Variants in SMAD4 observed in about 807,000 individuals in gnomAD.
SMAD4 encodes the protein MAD homolog 4.
Under a neutral mutation model 63.2 loss-of-function variants are expected in SMAD4, and 7 were observed. The ratio of observed to expected loss-of-function variants is 0.11; its 90% CI spans 0.06 to 0.21. The LOEUF is 0.21. Ranked by LOEUF, SMAD4 falls within the 10% of genes least tolerant of loss-of-function variation. SMAD4 has a pLI of 1.00. For missense variants in SMAD4, 312 were observed against 693.8 expected (o/e 0.45, Z 6.18); for synonymous variants, 215 against 235.4 (o/e 0.91, Z 0.79).
At chr18:51,072,015 A>T (rs1263295063) in intron 10 of SMAD4, among the ~76,000 whole-genome samples, 1 of 152,148 alleles carries the variant, frequency 6.6e-6, no homozygotes, top group Non-Finnish European at 1.5e-5. Flanking sequence ...CCATTGATGG[A>T]CTTGATTTCC....
intron 1 of SMAD4, among the ~76,000 whole-genome samples, chr18:51,033,564 A>G (rs527269758): frequency 1.4e-4 from 22 of 152,350 alleles, no homozygotes; most frequent in Non-Finnish European, 2.4e-4. Context: ...TGAAGTCTCA[A>G]TTGTTTTAAA....
intron 10 of SMAD4, among the ~76,000 whole-genome samples, chr18:51,074,970 A>G (rs1942094): frequency 0.32 from 49,341 of 152,044 alleles, 8,653 homozygotes; most frequent in East Asian, 0.41. Flanking sequence ...TGGGCCTCCC[A>G]AAGTGCTGGG....
At chr18:51,046,710 AT>A (rs1909553423) in intron 1 of SMAD4, among the ~76,000 whole-genome samples, 1 of 152,074 alleles carries the variant, frequency 6.6e-6, no homozygotes, top group South Asian at 2.1e-4. Flanking sequence ...AAACAGTGAC[AT>A]TTTAATTAAG....
intron 5 of SMAD4, among the ~76,000 whole-genome samples, chr18:51,056,230 T>C (rs1375595912): frequency 6.6e-6 from 1 of 152,172 alleles, no homozygotes; most frequent in African/African-American, 2.4e-5. Flanking sequence ...CGTAGATTAG[T>C]GCTAGAGCAC....
intron 9 of SMAD4, among the ~76,000 whole-genome samples, 175 bp downstream of exon 9, chr18:51,065,781 T>G (rs998566171): frequency 3.3e-5 from 5 of 152,212 alleles, no homozygotes; most frequent in African/African-American, 9.6e-5. Flanking sequence ...TGTCGGTGTT[T>G]TTGTTGTTTA....
chr18:51,081,460 A>G lies in SMAD4; in HGVS notation c.*2993A>G. On this transcript the variant is annotated 3_prime_UTR_variant, in exon 12 of 12. Transcript: ENST00000342988. ...TGGTATACAAAGATAATGACAATAA[A>G]TCACTGCCATATAACCTTGCTTTTT... 4.3e-6 allele frequency: 1 copy of G among 231,054 alleles called. No individual in the cohort carries two copies. Among genetic ancestry groups the G allele is most frequent in the Non-Finnish European group, 8.6e-6 (1 of 116,698 alleles). 14.3% of individuals were successfully genotyped at this position (231,054 alleles called of 1,614,324 possible).
At chr18:51,056,008 C>G (rs930610665) in intron 5 of SMAD4, among the ~76,000 whole-genome samples, 2 of 152,246 alleles carry the variant, frequency 1.3e-5, no homozygotes, top group Non-Finnish European at 2.9e-5. Flanking sequence ...TTCAAAGCAA[C>G]ATGTTTTTGG....
At chr18:51,033,851 G>A (rs1909122234) in intron 1 of SMAD4, among the ~76,000 whole-genome samples, 1 of 152,154 alleles carries the variant, frequency 6.6e-6, no homozygotes, top group Non-Finnish European at 1.5e-5. Context: ...CTATGAGAGT[G>A]AATGAAAACT....
chr18:51,033,034 CTG>C (rs1234515158), intron 1 of SMAD4, among the ~76,000 whole-genome samples: 5 of 151,940 alleles, frequency 3.3e-5, no homozygotes, highest in Admixed American at 6.6e-5. Flanking sequence ...AACTAGAAGA[CTG>C]TGTGGTTACG....
In SMAD4 at chr18:51,079,701, G is replaced by T. The variant is rs1425374409; in HGVS notation, c.*1234G>T. Reference sequence around the variant, plus strand: ...GAATTTAAGTAGAAAAGTTGCAGATGTATTGACTGTACCACAGACACAATA... The same window carrying T: ...GAATTTAAGTAGAAAAGTTGCAGATTTATTGACTGTACCACAGACACAATA... On this transcript the variant is annotated 3_prime_UTR_variant, in exon 12 of 12. Coordinates refer to ENST00000342988, the MANE Select transcript of SMAD4 (RefSeq NM_005359.6). 4.3e-6 allele frequency: 1 copy of T among 233,306 alleles called. No individual in the cohort carries two copies. Among genetic ancestry groups the T allele is most frequent in the East Asian group, 6.1e-5 (1 of 16,486 alleles). The allele number at this position is 233,306 out of a possible 1,614,324, so 14.5% of individuals were successfully genotyped here. A position where few individuals can be genotyped will look rare whatever the true frequency, so the allele number is the denominator to read the frequency against.
At chr18:51,052,238 T>C (rs1909731186) in intron 4 of SMAD4, 1 of 152,568 alleles carries the variant, frequency 6.6e-6, no homozygotes, top group African/African-American at 2.4e-5. Flanking sequence ...CTGAGTATTG[T>C]GTCATCATTC....
rs192485057 is a variant in SMAD4, at chr18:51,081,437, G to A, written c.*2970G>A. On this transcript the variant is annotated 3_prime_UTR_variant, in exon 12 of 12. Coordinates refer to ENST00000342988, the MANE Select transcript of SMAD4 (RefSeq NM_005359.6). ...CATTTTTAATAGTTTACCGCCCCTG[G>A]TATACAAAGATAATGACAATAAATC... 85 of 230,472 alleles carry A rather than the reference G, an allele frequency of 3.7e-4. No individual in the cohort carries two copies. The highest frequency in any genetic ancestry group is 1.2e-3 in the African/African-American group (56 of 45,228). The allele number at this position is 230,472 out of a possible 1,614,324, so 14.3% of individuals were successfully genotyped here. A position where few individuals can be genotyped will look rare whatever the true frequency, so the allele number is the denominator to read the frequency against.
At chr18:51,041,952 A>G (rs1909396778) in intron 1 of SMAD4, among the ~76,000 whole-genome samples, 1 of 152,210 alleles carries the variant, frequency 6.6e-6, no homozygotes, top group Admixed American at 6.5e-5. Flanking sequence ...CCTCATTTAT[A>G]GTCCCAAATC....
intron 10 of SMAD4, among the ~76,000 whole-genome samples, chr18:51,073,040 G>A (rs1910358126): frequency 1.3e-5 from 2 of 152,044 alleles, no homozygotes; most frequent in African/African-American, 4.8e-5. Flanking sequence ...TCTGGTTTGA[G>A]TGCTATAATT....
chr18:51,049,430 A>C (rs1033579397), intron 4 of SMAD4, 106 bp downstream of exon 4: 1 of 821,886 alleles, frequency 1.2e-6, no homozygotes, highest in African/African-American at 1.7e-5. Context: ...TAACATTAAC[A>C]AGAAAATAAC....
At chr18:51,057,746 T>C (rs1909880939) in intron 5 of SMAD4, among the ~76,000 whole-genome samples, 1 of 152,250 alleles carries the variant, frequency 6.6e-6, no homozygotes, top group Admixed American at 6.5e-5. Flanking sequence ...CCTGGATTTT[T>C]GGGGTCCTAA....
rs1417486113 is a variant in SMAD4 at position 51,081,346 on chromosome 18, C to G, written c.*2879C>G. 1 of 229,110 alleles carries G rather than the reference C, an allele frequency of 4.4e-6. No individual in the cohort carries two copies. The highest frequency in any genetic ancestry group is 6.2e-5 in the East Asian group (1 of 16,030). The allele number at this position is 229,110 out of a possible 1,614,324, so 14.2% of individuals were successfully genotyped here. On this transcript the variant is annotated 3_prime_UTR_variant, in exon 12 of 12. Coordinates refer to ENST00000342988, the MANE Select transcript of SMAD4 (RefSeq NM_005359.6). ...TGTCCAGTGCCTTTCAGTGCATTAT[C>G]AAAGGGAATCCTTCATGGTGTTGCC...
At chr18:51,065,144 A>C (rs1246953583) in intron 8 of SMAD4, among the ~76,000 whole-genome samples, 4 of 152,240 alleles carry the variant, frequency 2.6e-5, no homozygotes, top group Non-Finnish European at 5.9e-5. Flanking sequence ...AGATTTTAAA[A>C]AATGACTTTT....
intron 1 of SMAD4, among the ~76,000 whole-genome samples, chr18:51,031,657 TAGTCTTA>T (rs1909053705): frequency 6.6e-6 from 1 of 152,134 alleles, no homozygotes; most frequent in Non-Finnish European, 1.5e-5. Flanking sequence ...AGCATCCTTC[TAGTCTTA>T]GTAGCAGCTT....
Sources: gnomAD v4.1 joint callset for allele counts (sites outside exome capture counted in the v4.1 genomes callset) on GRCh38, gnomAD v4.1.1 for gene constraint, MANE v1.5 for transcripts, NCBI Gene and HGNC (gene_info 2026-07-23, HGNC 2026-07-21) for gene names.